Variants in ARHGEF26 observed in about 807,000 individuals in gnomAD.
ARHGEF26 encodes Rho guanine nucleotide exchange factor (GEF) 26.
A neutral mutation model predicts 89.4 loss-of-function variants in ARHGEF26; 59 were observed. That is an observed-to-expected ratio of 0.66 (90% confidence interval 0.54 to 0.82). The LOEUF (loss-of-function observed/expected upper bound fraction) is 0.82, where lower values mean the gene tolerates loss of function less well. ARHGEF26 is among the 40% of genes least tolerant of loss of function. The pLI is 0.00. For missense variants in ARHGEF26, 1,234 were observed against 1,085.6 expected (o/e 1.14, Z -1.92); for synonymous variants, 500 against 428.4 (o/e 1.17, Z -2.06).
intron 9 of ARHGEF26, among the ~76,000 whole-genome samples, chr3:154,202,936 A>G (rs567040790): frequency 3.9e-5 from 6 of 152,298 alleles, no homozygotes; most frequent in Non-Finnish European, 8.8e-5. Flanking sequence ...CAATCATGTC[A>G]TCTGCAAACA....
chr3:154,142,430 G>A (rs1315107769), intron 4 of ARHGEF26, among the ~76,000 whole-genome samples: 1 of 152,136 alleles, frequency 6.6e-6, no homozygotes, highest in Non-Finnish European at 1.5e-5. Flanking sequence ...CTGTTTCTCA[G>A]ATCTCCGTAC....
chr3:154,253,318 C>G (rs1718279271), intron 13 of ARHGEF26, 135 bp downstream of exon 13: 4 of 934,392 alleles, frequency 4.3e-6, no homozygotes, highest in Non-Finnish European at 1.6e-6. Context: ...TGCTTTACAC[C>G]AAAAATGTAT....
chr3:154,239,287 AGAGAGAGAGAGAGTGTGTGTGTGTGT>A (rs1559920509), intron 11 of ARHGEF26, among the ~76,000 whole-genome samples: 3 of 104,214 alleles, frequency 2.9e-5, no homozygotes, highest in Non-Finnish European at 5.9e-5. Context: ...AGAGAGAGAG[AGAGAGAGAGAGAGTGTGTGTGTGTGT>A]GTGTGTGTGT....
chr3:154,140,801 G>A (rs927316053), intron 4 of ARHGEF26, among the ~76,000 whole-genome samples: 1 of 151,944 alleles, frequency 6.6e-6, no homozygotes, highest in Admixed American at 6.6e-5. Flanking sequence ...GGCTGGTCTC[G>A]AACTGCTAAG....
At chr3:154,195,580 G>C (rs1397690934) in intron 9 of ARHGEF26, among the ~76,000 whole-genome samples, 1 of 152,164 alleles carries the variant, frequency 6.6e-6, no homozygotes, top group Non-Finnish European at 1.5e-5. Context: ...TTTCAGGACA[G>C]AAGTCAAGGA....
chr3:154,255,630 G>GAGAA lies in ARHGEF26; in HGVS notation c.*158_*161dup. ...TTGCCAGGTTGTTCTGCTCTCTCAT[G>GAGAA]AGAAGAGCTTGGATACAGTGAGTTT... On this transcript the variant is annotated 3_prime_UTR_variant, in exon 15 of 15. Transcript: ENST00000465093. 6.9e-7 allele frequency: 1 copy of GAGAA among 1,439,388 alleles called. No individual in the cohort carries two copies. The highest frequency in any genetic ancestry group is 9.1e-7 in the Non-Finnish European group (1 of 1,102,958). 89.2% of individuals were successfully genotyped at this position (1,439,388 alleles called of 1,614,324 possible).
At chr3:154,148,074 A>G (rs1323387928) in intron 4 of ARHGEF26, among the ~76,000 whole-genome samples, 1 of 152,196 alleles carries the variant, frequency 6.6e-6, no homozygotes, top group East Asian at 1.9e-4. Context: ...CAGGTGGACA[A>G]AATGACTCCT....
chr3:154,145,583 G>C (rs1429959055), intron 4 of ARHGEF26, among the ~76,000 whole-genome samples: 1 of 152,096 alleles, frequency 6.6e-6, no homozygotes, highest in Non-Finnish European at 1.5e-5. Flanking sequence ...AGGCTTTTGG[G>C]TTCTTCCCAT....
chr3:154,145,044 G>A (rs1454195062), intron 4 of ARHGEF26, among the ~76,000 whole-genome samples: 2 of 152,104 alleles, frequency 1.3e-5, no homozygotes, highest in Non-Finnish European at 2.9e-5. Context: ...CAGATCTCTG[G>A]CCCTTTGAAA....
At chr3:154,163,813 A>G (rs557223261) in intron 6 of ARHGEF26, among the ~76,000 whole-genome samples, 8 of 152,158 alleles carry the variant, frequency 5.3e-5, no homozygotes, top group African/African-American at 9.7e-5. Context: ...ATGTGTCCCA[A>G]TGGTTTGGCA....
Position 154,191,401 on chromosome 3 carries a change from C to G in ARHGEF26, c.1753C>G (p.Leu585Val). Reference sequence around the variant, plus strand: ...TCTCCCCATGCAGAGGGTGACCCGCCTTCCCCTGCTGATGGATGTAAGACA... The same window carrying G: ...TCTCCCCATGCAGAGGGTGACCCGCGTTCCCCTGCTGATGGATGTAAGACA... ...LILPMQRVTR[L>V]PLLMDTICQK... Residue 585 changes from leucine (L) to valine (V), a missense_variant, in exon 8 of 15, where the codon CTT becomes GTT. Physicochemically the swap from Leu to Val is conservative, Grantham distance 32 (BLOSUM62 1). Coordinates refer to ENST00000465093, the MANE Select transcript of ARHGEF26 (RefSeq NM_015595.4). 1.9e-6 allele frequency: 3 copies of G among 1,613,820 alleles called. No homozygotes were observed. Among genetic ancestry groups the G allele is most frequent in the Non-Finnish European group, 2.5e-6 (3 of 1,179,802 alleles).
At chr3:154,154,369 G>GT (rs1720200018) in intron 6 of ARHGEF26, among the ~76,000 whole-genome samples, 1 of 151,766 alleles carries the variant, frequency 6.6e-6, no homozygotes, top group Admixed American at 6.6e-5. Context: ...GTTTTAGGCT[G>GT]TTTCAGTAGA....
chr3:154,149,569 C>A, intron 5 of ARHGEF26, 124 bp downstream of exon 5: 1 of 806,746 alleles, frequency 1.2e-6, no homozygotes, highest in Non-Finnish European at 1.8e-6. Context: ...ATTTGTTTAA[C>A]AAAAGCAGTA....
intron 6 of ARHGEF26, among the ~76,000 whole-genome samples, chr3:154,160,466 T>C (rs536421582): frequency 6.6e-6 from 1 of 152,140 alleles, no homozygotes; most frequent in Non-Finnish European, 1.5e-5. Flanking sequence ...ATTCATTCTC[T>C]TCTAAAAATC....
In ARHGEF26 at chr3:154,257,190, C is replaced by A. The variant is rs1435065970; in HGVS notation, c.*1717C>A. 1 of 442,128 alleles carries A rather than the reference C, an allele frequency of 2.3e-6. No homozygotes were observed. Among genetic ancestry groups the A allele is most frequent in the Admixed American group, 4.1e-5 (1 of 24,486 alleles). 27.4% of individuals were successfully genotyped at this position (442,128 alleles called of 1,614,324 possible). A position where few individuals can be genotyped will look rare whatever the true frequency, so the allele number is the denominator to read the frequency against. ...GTGTGGGGCACTGGGGACTTCTAAC[C>A]CTTGGATTGCTCTTTTTGACCTGTG... On this transcript the variant is annotated 3_prime_UTR_variant, in exon 15 of 15. Coordinates refer to ENST00000465093, the MANE Select transcript of ARHGEF26 (RefSeq NM_015595.4).
At chr3:154,210,553 G>A (rs928005860) in intron 9 of ARHGEF26, among the ~76,000 whole-genome samples, 14 of 151,540 alleles carry the variant, frequency 9.2e-5, no homozygotes, top group African/African-American at 3.4e-4. Flanking sequence ...GGCCTCAAGT[G>A]ATCTGCCCAC....
chr3:154,239,082 T>A (rs996740556), intron 11 of ARHGEF26, among the ~76,000 whole-genome samples: 1 of 152,056 alleles, frequency 6.6e-6, no homozygotes, highest in Non-Finnish European at 1.5e-5. Context: ...TAGTTGATGG[T>A]AATGACAAGG....
chr3:154,212,770 A>C (rs184193231), intron 9 of ARHGEF26, among the ~76,000 whole-genome samples: 494 of 152,218 alleles, frequency 3.2e-3, no homozygotes, highest in African/African-American at 0.011. Context: ...ATCTGACAGG[A>C]GGAGGAGGCA....
At chr3:154,196,277 T>A (rs1006035474) in intron 9 of ARHGEF26, among the ~76,000 whole-genome samples, 5 of 152,030 alleles carry the variant, frequency 3.3e-5, no homozygotes, top group Non-Finnish European at 5.9e-5. Context: ...GTTTAAAGAT[T>A]AGAAAAATGT....
Sources: allele counts gnomAD v4.1 joint callset (sites outside exome capture counted in the v4.1 genomes callset), GRCh38; gene constraint gnomAD v4.1.1; transcripts MANE v1.5; gene names NCBI Gene and HGNC (gene_info 2026-07-23, HGNC 2026-07-21).